Variants in ROBO1 observed in about 807,000 individuals in gnomAD.
ROBO1 encodes the protein roundabout homolog 1.
In ROBO1, 149 loss-of-function variants were observed where a neutral mutation model predicts 195.9. The ratio of observed to expected loss-of-function variants is 0.76; its 90% CI spans 0.67 to 0.87. The LOEUF (loss-of-function observed/expected upper bound fraction) is 0.87. Ranked by LOEUF, ROBO1 falls within the 40% of genes least tolerant of loss-of-function variation. The pLI, the probability that ROBO1 is intolerant of heterozygous loss-of-function variation, is 0.00. For missense variants in ROBO1, 1,933 were observed against 2,068.3 expected (o/e 0.93, Z 1.27); for synonymous variants, 816 against 733.2 (o/e 1.11, Z -1.82).
At chr3:79,750,194 G>A (rs986617189) in intron 1 of ROBO1, among the ~76,000 whole-genome samples, 1 of 152,230 alleles carries the variant, frequency 6.6e-6, no homozygotes, top group African/African-American at 2.4e-5. Flanking sequence ...TTTCAGAATT[G>A]CATGGGGGCT....
intron 1 of ROBO1, among the ~76,000 whole-genome samples, chr3:79,703,498 A>C (rs1442847138): frequency 2.0e-5 from 3 of 151,866 alleles, no homozygotes; most frequent in Non-Finnish European, 4.4e-5. Context: ...TGTTCCTGGA[A>C]AAAATATGAA....
intron 4 of ROBO1, among the ~76,000 whole-genome samples, chr3:78,774,910 A>C (rs2083466918): frequency 6.6e-6 from 1 of 152,242 alleles, no homozygotes; most frequent in Admixed American, 6.5e-5. Context: ...AATATATATT[A>C]AGTCAATATC....
chr3:79,016,551 T>C (rs1462959782), intron 3 of ROBO1, among the ~76,000 whole-genome samples: 1 of 152,148 alleles, frequency 6.6e-6, no homozygotes, highest in African/African-American at 2.4e-5. Context: ...AATTATTAAA[T>C]CTAATAGGAC....
At chr3:79,133,320 C>A (rs1316789737) in intron 2 of ROBO1, among the ~76,000 whole-genome samples, 1 of 113,664 alleles carries the variant, frequency 8.8e-6, no homozygotes, top group Admixed American at 9.8e-5. Context: ...TTCAGGTACA[C>A]CAATCAGATG....
chr3:79,610,838 A>C (rs1944635162), intron 1 of ROBO1, among the ~76,000 whole-genome samples: 1 of 152,092 alleles, frequency 6.6e-6, no homozygotes, highest in Non-Finnish European at 1.5e-5. Context: ...AGAACAACGG[A>C]ATTGTAACAC....
At chr3:79,566,562 C>G (rs1215682117) in intron 2 of ROBO1, among the ~76,000 whole-genome samples, 2 of 152,054 alleles carry the variant, frequency 1.3e-5, no homozygotes, top group Admixed American at 6.6e-5. Context: ...TTAGATGGCA[C>G]AAAACCAGAG....
chr3:79,645,041 C>T (rs569151821), intron 1 of ROBO1, among the ~76,000 whole-genome samples: 1 of 152,144 alleles, frequency 6.6e-6, no homozygotes, highest in Admixed American at 6.6e-5. Context: ...ATACCCAAAT[C>T]TTTACAATAC....
At chr3:79,653,655 G>A (rs1209095685) in intron 1 of ROBO1, among the ~76,000 whole-genome samples, 2 of 151,880 alleles carry the variant, frequency 1.3e-5, no homozygotes, top group Admixed American at 6.6e-5. Flanking sequence ...AAAGGCCATC[G>A]GTAGATCGTC....
intron 2 of ROBO1, among the ~76,000 whole-genome samples, chr3:79,262,349 T>C (rs994231532): frequency 7.2e-5 from 11 of 152,062 alleles, no homozygotes; most frequent in Admixed American, 2.0e-4. Context: ...GGGAAAAAAC[T>C]GAAAATAAAG....
At chr3:79,450,112 G>C (rs536938347) in intron 2 of ROBO1, among the ~76,000 whole-genome samples, 4 of 149,116 alleles carry the variant, frequency 2.7e-5, no homozygotes, top group Non-Finnish European at 5.9e-5. Flanking sequence ...CTAGTTATTG[G>C]GGAAAAAAAA....
intron 1 of ROBO1, among the ~76,000 whole-genome samples, chr3:79,673,787 T>A (rs1205165570): frequency 1.3e-5 from 2 of 151,796 alleles, no homozygotes; most frequent in Non-Finnish European, 2.9e-5. Context: ...ATATTTGGGG[T>A]TTTATCAATA....
At chr3:79,440,568 A>C (rs998373259) in intron 2 of ROBO1, among the ~76,000 whole-genome samples, 4 of 152,058 alleles carry the variant, frequency 2.6e-5, no homozygotes, top group Admixed American at 6.6e-5. Context: ...CTTGTCCTCA[A>C]ACAAGCTCCC....
chr3:79,580,748 A>G (rs1206732145), intron 2 of ROBO1, among the ~76,000 whole-genome samples: 1 of 152,150 alleles, frequency 6.6e-6, no homozygotes, highest in African/African-American at 2.4e-5. Flanking sequence ...GTGTCACTAT[A>G]TACATGTGGT....
chr3:79,277,205 T>C (rs185068054), intron 2 of ROBO1, among the ~76,000 whole-genome samples: 2 of 152,166 alleles, frequency 1.3e-5, no homozygotes, highest in East Asian at 1.9e-4. Context: ...TAGCTAAGAT[T>C]TGAAAGTAAA....
intron 2 of ROBO1, among the ~76,000 whole-genome samples, chr3:79,183,506 A>G (rs1341870340): frequency 6.6e-6 from 1 of 152,222 alleles, no homozygotes; most frequent in African/African-American, 2.4e-5. Context: ...GAATTAATAA[A>G]TTCTGGTAAA....
chr3:79,542,979 CATA>C (rs1303347738), intron 2 of ROBO1, among the ~76,000 whole-genome samples: 4 of 152,058 alleles, frequency 2.6e-5, no homozygotes, highest in African/African-American at 2.4e-5. Flanking sequence ...TATAACACTT[CATA>C]ATGATTGTAT....
chr3:79,206,598 G>A (rs1185234397), intron 2 of ROBO1, among the ~76,000 whole-genome samples: 1 of 152,100 alleles, frequency 6.6e-6, no homozygotes, highest in African/African-American at 2.4e-5. Flanking sequence ...AGGACAAGGA[G>A]AGATCATTGT....
At position 79,472,309 on chromosome 3, in the gene ROBO1, G is replaced by T. The variant is rs571995331; in HGVS notation, c.88+117515C>A. Among the ~76,000 whole-genome samples, 43 of 152,192 alleles carry T rather than the reference G, an allele frequency of 2.8e-4. No homozygotes were observed. The South Asian group carries it at 8.3e-3, about 29-fold the overall frequency. ...GGATTAGAAATTCAGAGGGGGCCAAGAAATGGACAATTTTAGAACAACCCA... is the reference window on the plus strand; with the variant it reads ...GGATTAGAAATTCAGAGGGGGCCAATAAATGGACAATTTTAGAACAACCCA... On this transcript the variant is annotated intron_variant, in intron 2 of 30. Transcript: ENST00000464233.
intron 2 of ROBO1, among the ~76,000 whole-genome samples, chr3:79,404,789 A>G (rs181325335): frequency 8.5e-4 from 129 of 152,274 alleles, no homozygotes; most frequent in African/African-American, 2.9e-3. Context: ...TTAAAAAACT[A>G]GATTATAATT....
Sources: gnomAD v4.1 joint callset for allele counts (sites outside exome capture counted in the v4.1 genomes callset) on GRCh38, gnomAD v4.1.1 for gene constraint, MANE v1.5 for transcripts, NCBI Gene and HGNC (gene_info 2026-07-23, HGNC 2026-07-21) for gene names.